The following DCC variants were observed in gnomAD, a reference collection of about 807,000 sequenced individuals.
The protein encoded by DCC is DCC netrin 1 receptor, also known as netrin receptor DCC.
DCC carries 58 observed loss-of-function variants against 172.5 expected under a neutral mutation model. The ratio of observed to expected loss-of-function variants is 0.34; its 90% CI spans 0.27 to 0.42. DCC has a LOEUF of 0.42. Ranked by LOEUF, DCC falls within the 10% of genes least tolerant of loss-of-function variation. The probability of loss-of-function intolerance (pLI) is 1.00; values close to 1 mark genes in which losing one functional copy is unlikely to be tolerated. For missense variants in DCC, 1,740 were observed against 1,791.0 expected, an observed-to-expected ratio of 0.97 and a Z score of 0.51; for synonymous variants, 709 against 644.5, an observed-to-expected ratio of 1.10 and a Z score of -1.52.
intron 5 of DCC, among the ~76,000 whole-genome samples, chr18:52,986,184 TCTAGGAGGA>T (rs2041289991): frequency 6.6e-6 from 1 of 152,204 alleles, no homozygotes; most frequent in Non-Finnish European, 1.5e-5. Context: ...ACTATGGAGT[TCTAGGAGGA>T]CTAGCAGTAT....
intron 2 of DCC, among the ~76,000 whole-genome samples, chr18:52,821,960 T>C (rs960735582): frequency 6.6e-6 from 1 of 152,218 alleles, no homozygotes; most frequent in Non-Finnish European, 1.5e-5. Flanking sequence ...ACAAATATTT[T>C]GGGAGTCAGA....
chr18:52,998,850 C>T (rs576040504), intron 5 of DCC, among the ~76,000 whole-genome samples: 32 of 151,864 alleles, frequency 2.1e-4, no homozygotes, highest in African/African-American at 7.7e-4. Flanking sequence ...TACAAGAAAA[C>T]CTGTCTGGAG....
At chr18:53,285,951 G>A (rs2056930714) in intron 12 of DCC, among the ~76,000 whole-genome samples, 1 of 152,132 alleles carries the variant, frequency 6.6e-6, no homozygotes. Flanking sequence ...CCTTTGTTTT[G>A]GCCAATTGCT....
At chr18:52,381,761 C>T (rs1303229688) in intron 1 of DCC, among the ~76,000 whole-genome samples, 1 of 152,116 alleles carries the variant, frequency 6.6e-6, no homozygotes, top group Non-Finnish European at 1.5e-5. Context: ...TTCCTCTTCT[C>T]TTTTCTGCCC....
chr18:52,737,493 C>T (rs990394213), intron 1 of DCC, among the ~76,000 whole-genome samples: 6 of 152,182 alleles, frequency 3.9e-5, no homozygotes, highest in African/African-American at 1.4e-4. Context: ...AGACCATTTT[C>T]TCATCCTGTG....
intron 1 of DCC, among the ~76,000 whole-genome samples, chr18:52,491,915 T>C (rs2030521386): frequency 6.6e-6 from 1 of 151,636 alleles, no homozygotes; most frequent in South Asian, 2.1e-4. Flanking sequence ...CGCAGAGGAG[T>C]GGTCTTCTAG....
At chr18:52,424,927 T>C (rs1324231665) in intron 1 of DCC, among the ~76,000 whole-genome samples, 1 of 69,904 alleles carries the variant, frequency 1.4e-5, no homozygotes, top group African/African-American at 4.8e-5. Context: ...CTTTTCTTTT[T>C]TATTTTCTTT....
chr18:53,212,594 A>T (rs2055773340), intron 11 of DCC, among the ~76,000 whole-genome samples: 2 of 152,218 alleles, frequency 1.3e-5, no homozygotes, highest in African/African-American at 4.8e-5. Flanking sequence ...GTAAAAAAAT[A>T]CAGAAAAACT....
At chr18:52,367,220 G>A (rs1984916261) in intron 1 of DCC, among the ~76,000 whole-genome samples, 2 of 152,256 alleles carry the variant, frequency 1.3e-5, no homozygotes, top group South Asian at 2.1e-4. Context: ...CCAAGCCCAC[G>A]CCCACCCGGA....
In DCC at chr18:52,497,280, A is replaced by AAAAAAAAAT. The variant is rs1555689730; in HGVS notation, c.91+156403_91+156404insAAAAAAATA. On this transcript the variant is annotated intron_variant, in intron 1 of 28. Coordinates refer to ENST00000442544, the MANE Select transcript of DCC (RefSeq NM_005215.4). ...TGTATCAAAAAAAAAAAAAAAAAAA[A>AAAAAAAAAT]ATATATATATATATATATATATATA... Among the ~76,000 whole-genome samples, 52 of 21,522 alleles carry AAAAAAAAAT rather than the reference A, an allele frequency of 2.4e-3. 2 individuals are homozygous for AAAAAAAAAT. The highest frequency in any genetic ancestry group is 4.1e-3 in the Non-Finnish European group (39 of 9,404). The allele number at this position is 21,522 out of a possible 152,430, so 14.1% of individuals were successfully genotyped here.
intron 1 of DCC, among the ~76,000 whole-genome samples, chr18:52,636,927 G>T (rs567295432): frequency 2.0e-5 from 3 of 152,104 alleles, no homozygotes; most frequent in African/African-American, 7.2e-5. Flanking sequence ...CTGCACCCCC[G>T]CCACCTCCAC....
chr18:52,827,964 GTTT>G (rs376784709), intron 2 of DCC, among the ~76,000 whole-genome samples: 1 of 147,398 alleles, frequency 6.8e-6, no homozygotes, highest in Admixed American at 6.8e-5. Context: ...TATAGTAGTA[GTTT>G]TTTTTTTTCT....
At chr18:52,406,842 T>C (rs1346281431) in intron 1 of DCC, among the ~76,000 whole-genome samples, 1 of 152,108 alleles carries the variant, frequency 6.6e-6, no homozygotes. Flanking sequence ...CAGTATGATA[T>C]AAGACAGTCT....
chr18:52,583,559 G>A lies in DCC; in HGVS notation c.92-168495G>A, dbSNP rs190772376. Among the ~76,000 whole-genome samples the A allele has an allele frequency of 1.4e-3, 215 of 152,140 alleles. 1 individual carries two copies. Among genetic ancestry groups the A allele is most frequent in the Non-Finnish European group, 1.9e-3 (132 of 67,978 alleles). On this transcript the variant is annotated intron_variant, in intron 1 of 28. Coordinates refer to ENST00000442544, the MANE Select transcript of DCC (RefSeq NM_005215.4). ...CTTTTCAAATGATAAATTGCATTATGACCTATTACTAAATATTCCCTGAAT... is the reference window on the plus strand; with the variant it reads ...CTTTTCAAATGATAAATTGCATTATAACCTATTACTAAATATTCCCTGAAT...
At chr18:53,417,421 A>G (rs1028297568) in intron 21 of DCC, among the ~76,000 whole-genome samples, 4 of 150,102 alleles carry the variant, frequency 2.7e-5, no homozygotes, top group Admixed American at 2.0e-4. Context: ...AAATGTTTTC[A>G]TACAATTAAT....
At chr18:52,713,611 A>C (rs1036309192) in intron 1 of DCC, among the ~76,000 whole-genome samples, 1 of 152,150 alleles carries the variant, frequency 6.6e-6, no homozygotes, top group Non-Finnish European at 1.5e-5. Context: ...GAAGTGCTTA[A>C]TTGCATCCGT....
intron 1 of DCC, among the ~76,000 whole-genome samples, chr18:52,351,521 G>A (rs576989822): frequency 3.3e-5 from 5 of 152,150 alleles, no homozygotes; most frequent in South Asian, 4.2e-4. Flanking sequence ...GTATGCAACC[G>A]AGAGAGGGAC....
At chr18:53,270,918 G>A (rs1435623792) in intron 12 of DCC, among the ~76,000 whole-genome samples, 1 of 152,060 alleles carries the variant, frequency 6.6e-6, no homozygotes, top group Admixed American at 6.6e-5. Context: ...CTTATTAAAA[G>A]TACATTCAAC....
chr18:53,173,504 A>G (rs971980609), intron 8 of DCC, among the ~76,000 whole-genome samples: 44 of 152,172 alleles, frequency 2.9e-4, no homozygotes, highest in African/African-American at 1.1e-3. Flanking sequence ...TCCAGTTAAA[A>G]TTAAAAAAGG....
Sources: gnomAD v4.1 joint callset for allele counts (sites outside exome capture counted in the v4.1 genomes callset) on GRCh38, gnomAD v4.1.1 for gene constraint, MANE v1.5 for transcripts, NCBI Gene and HGNC (gene_info 2026-07-23, HGNC 2026-07-21) for gene names.